ADCYAP1R1: variants seen among roughly 807,000 people sequenced by gnomAD.
ADCYAP1R1 encodes the protein pituitary adenylate cyclase-activating polypeptide type I receptor.
Under a neutral mutation model 67.6 loss-of-function variants are expected in ADCYAP1R1, and 44 were observed. That is an observed-to-expected ratio of 0.65 (90% CI 0.51 to 0.84). The LOEUF is 0.84. ADCYAP1R1 is among the 40% of genes least tolerant of loss of function. ADCYAP1R1 has a pLI of 0.00. For synonymous variants in ADCYAP1R1, 222 were observed against 219.6 expected, an observed-to-expected ratio of 1.01 and a Z score of -0.10; for missense variants, 477 against 587.9, an observed-to-expected ratio of 0.81 and a Z score of 1.95.
intron 3 of ADCYAP1R1, among the ~76,000 whole-genome samples, chr7:31,070,191 C>T (rs1178513736): frequency 2.6e-5 from 4 of 152,212 alleles, no homozygotes; most frequent in African/African-American, 7.2e-5. Context: ...GGCCACACAG[C>T]CCCCAGGCTC....
intron 13 of ADCYAP1R1, chr7:31,100,087 GC>G (rs1433814232): frequency 7.8e-6 from 12 of 1,536,636 alleles, no homozygotes; most frequent in Non-Finnish European, 8.8e-6. Flanking sequence ...ACTGCCTGGT[GC>G]CCCCCAGCTG....
intron 4 of ADCYAP1R1, 103 bp from the exon 5 acceptor site, chr7:31,080,510 G>C: frequency 8.4e-7 from 1 of 1,196,922 alleles, no homozygotes; most frequent in Non-Finnish European, 1.2e-6. Context: ...GGTTGGGAAG[G>C]AGGAGGAAGT....
intron 5 of ADCYAP1R1, 63 bp from the exon 6 acceptor site, chr7:31,081,650 G>T: frequency 7.2e-7 from 1 of 1,381,514 alleles, no homozygotes; most frequent in East Asian, 2.4e-5. Flanking sequence ...CCAGGGTGGA[G>T]AGTAAACAGT....
At chr7:31,057,543 C>T (rs1794302951) in intron 1 of ADCYAP1R1, among the ~76,000 whole-genome samples, 1 of 152,234 alleles carries the variant, frequency 6.6e-6, no homozygotes, top group Non-Finnish European at 1.5e-5. Context: ...ATCACTGGGG[C>T]CCCTCTGGTG....
intron 3 of ADCYAP1R1, among the ~76,000 whole-genome samples, chr7:31,070,068 G>A (rs1290307884): frequency 6.6e-6 from 1 of 152,150 alleles, no homozygotes; most frequent in Non-Finnish European, 1.5e-5. Flanking sequence ...AGCCAGCTCT[G>A]GGGTGGGATC....
intron 12 of ADCYAP1R1, among the ~76,000 whole-genome samples, chr7:31,089,825 G>A (rs1795891536): frequency 6.6e-6 from 1 of 152,110 alleles, no homozygotes; most frequent in South Asian, 2.1e-4. Context: ...TTTTGGGGGT[G>A]CATTTCTGGG....
intron 2 of ADCYAP1R1, 143 bp from the exon 3 acceptor site, chr7:31,064,688 T>A: frequency 3.0e-6 from 2 of 656,516 alleles, no homozygotes; most frequent in Non-Finnish European, 5.3e-6. Flanking sequence ...TCAGGGCCCC[T>A]GCTGGCCCTG....
chr7:31,089,987 T>C (rs759660272), intron 12 of ADCYAP1R1, among the ~76,000 whole-genome samples: 3 of 152,200 alleles, frequency 2.0e-5, no homozygotes, highest in Non-Finnish European at 2.9e-5. Flanking sequence ...CTCTCCTTAT[T>C]CTGTTTTTGT....
chr7:31,071,102 AG>A (rs1794957068), intron 3 of ADCYAP1R1, among the ~76,000 whole-genome samples: 1 of 152,218 alleles, frequency 6.6e-6, no homozygotes, highest in Non-Finnish European at 1.5e-5. Flanking sequence ...TCTCAAAGGG[AG>A]GACCATGGCT....
intron 13 of ADCYAP1R1, among the ~76,000 whole-genome samples, chr7:31,101,125 G>T (rs564565451): frequency 6.6e-6 from 1 of 152,306 alleles, no homozygotes; most frequent in East Asian, 1.9e-4. Context: ...AGTGGCCACC[G>T]GGATGCCCTG....
chr7:31,095,633 C>T, intron 13 of ADCYAP1R1: 2 of 717,540 alleles, frequency 2.8e-6, no homozygotes, highest in South Asian at 1.5e-5. Context: ...GATCTGCCCA[C>T]AACAGCTCTC....
chr7:31,085,853 G>C (rs1054132128), intron 9 of ADCYAP1R1, among the ~76,000 whole-genome samples: 1 of 152,196 alleles, frequency 6.6e-6, no homozygotes, highest in East Asian at 1.9e-4. Context: ...ACCTCCCCAG[G>C]TCTCACACTT....
rs1584521207 is a variant in ADCYAP1R1, at chr7:31,087,787, A to G, written c.954+91A>G. On this transcript the variant is annotated intron_variant, in intron 12 of 15. Coordinates refer to ENST00000304166, the MANE Select transcript of ADCYAP1R1 (RefSeq NM_001118.5). ...AGAGAAATGAAAGAGTCCCCACACA[A>G]CCTGACTTCCTCCTCTGTCATGGCT... is the stretch of plus-strand genomic sequence containing the variant. 3.0e-6 allele frequency: 3 copies of G among 987,260 alleles called. No individual in the cohort carries two copies. In the East Asian group the frequency reaches 7.5e-5, roughly 25 times the overall value. The allele number at this position is 987,260 out of a possible 1,614,324, so 61.2% of individuals were successfully genotyped here.
chr7:31,063,095 G>T, intron 1 of ADCYAP1R1, 99 bp from the exon 2 acceptor site: 1 of 680,208 alleles, frequency 1.5e-6, no homozygotes, highest in Non-Finnish European at 2.5e-6. Context: ...GAGGCTGAGA[G>T]CCGTGCTGCA....
At chr7:31,080,503 T>C in intron 4 of ADCYAP1R1, 110 bp from the exon 5 acceptor site, 1 of 1,117,726 alleles carries the variant, frequency 8.9e-7, no homozygotes, top group Non-Finnish European at 1.3e-6. Flanking sequence ...TGTTTGGGGT[T>C]GGGAAGGAGG....
intron 14 of ADCYAP1R1, among the ~76,000 whole-genome samples, chr7:31,103,628 C>T (rs142096825): frequency 5.9e-5 from 9 of 152,314 alleles, no homozygotes; most frequent in African/African-American, 1.9e-4. Flanking sequence ...TGGCATCTCC[C>T]AGCAGCCTGG....
chr7:31,110,530 A>G lies in ADCYAP1R1; in HGVS notation c.*3846A>G, dbSNP rs763955116. 3 of 152,282 alleles carry G rather than the reference A, an allele frequency of 2.0e-5. No homozygotes were observed. Among genetic ancestry groups the G allele is most frequent in the African/African-American group, 7.2e-5 (3 of 41,446 alleles). 9.4% of individuals were successfully genotyped at this position (152,282 alleles called of 1,614,324 possible). A position where few individuals can be genotyped will look rare whatever the true frequency, so the allele number is the denominator to read the frequency against. ...GATCCAGTATGTTTTATAAATCTGA[A>G]TGAGTAAATGGCTCACCAATTTATG... On this transcript the variant is annotated 3_prime_UTR_variant, in exon 16 of 16. Transcript: ENST00000304166.
intron 1 of ADCYAP1R1, among the ~76,000 whole-genome samples, chr7:31,057,767 C>T (rs1794314605): frequency 6.6e-6 from 1 of 152,172 alleles, no homozygotes; most frequent in African/African-American, 2.4e-5. Flanking sequence ...TTGTTCCTGG[C>T]CCTAGGAGGG....
At position 31,053,208 on chromosome 7, in the gene ADCYAP1R1, A is replaced by G. The variant is rs544885479; in HGVS notation, c.-72+530A>G. On this transcript the variant is annotated intron_variant, in intron 1 of 15. Transcript: ENST00000304166. Reference sequence around the variant, plus strand: ...CTAGGTGGGGGTTGGGGTAGGGGCCAGTGTAGAATGCCCCTCTGTGGTGAC... The same window carrying G: ...CTAGGTGGGGGTTGGGGTAGGGGCCGGTGTAGAATGCCCCTCTGTGGTGAC... Among the ~76,000 whole-genome samples, 6 of 152,284 alleles carry G rather than the reference A, an allele frequency of 3.9e-5. No individual in the cohort carries two copies. The South Asian group carries it at 1.2e-3, about 32-fold the overall frequency.
Sources: allele counts gnomAD v4.1 joint callset (sites outside exome capture counted in the v4.1 genomes callset), GRCh38; gene constraint gnomAD v4.1.1; transcripts MANE v1.5; gene names NCBI Gene and HGNC (gene_info 2026-07-23, HGNC 2026-07-21).